Variants in WDR33 observed in about 807,000 individuals in gnomAD.
The protein encoded by WDR33 is WD repeat domain 33, also known as pre-mRNA 3' end processing protein WDR33.
A neutral mutation model predicts 164.9 loss-of-function variants in WDR33; 47 were observed. The observed-to-expected ratio is 0.29, with a 90% CI of 0.23 to 0.36. WDR33 has a LOEUF of 0.36. Ranked by LOEUF, WDR33 falls within the 10% of genes least tolerant of loss-of-function variation. WDR33 has a pLI of 1.00. For synonymous variants in WDR33, 505 were observed against 589.0 expected, an observed-to-expected ratio of 0.86 and a Z score of 2.06; for missense variants, 1,137 against 1,754.1, an observed-to-expected ratio of 0.65 and a Z score of 6.28.
rs1292204442 is a variant in WDR33 at position 127,770,651 on chromosome 2, A to G, written c.204+127T>C. 1.3e-5 allele frequency: 8 copies of G among 637,162 alleles called. No homozygotes were observed. Among genetic ancestry groups the G allele is most frequent in the Non-Finnish European group, 1.7e-5 (8 of 459,356 alleles). The allele number at this position is 637,162 out of a possible 1,614,324, so 39.5% of individuals were successfully genotyped here. Reference sequence around the variant, plus strand: ...GGTTGCAGTGAGCCAAAACCACACCACTGCACTCTGGCCTGGGCAACAAGA... The same window carrying G: ...GGTTGCAGTGAGCCAAAACCACACCGCTGCACTCTGGCCTGGGCAACAAGA... On this transcript the variant is annotated intron_variant, in intron 2 of 21. Coordinates refer to ENST00000322313, the MANE Select transcript of WDR33 (RefSeq NM_018383.5). The surrounding 1 kb of genome is among the most constrained non-coding windows in gnomAD (Gnocchi z 4.9).
chr2:127,745,826 C>T (rs574785286), intron 7 of WDR33, among the ~76,000 whole-genome samples: 1 of 152,052 alleles, frequency 6.6e-6, no homozygotes, highest in East Asian at 1.9e-4. Context: ...AAAAACAGCA[C>T]GTCGTTCTCC....
intron 7 of WDR33, among the ~76,000 whole-genome samples, chr2:127,747,865 C>G (rs1687211225): frequency 6.6e-6 from 1 of 152,188 alleles, no homozygotes; most frequent in South Asian, 2.1e-4. Flanking sequence ...ATCTGATGTT[C>G]AAGCTAAGCC....
chr2:127,749,599 T>C (rs903062200), intron 7 of WDR33, among the ~76,000 whole-genome samples: 1 of 150,526 alleles, frequency 6.6e-6, no homozygotes, highest in African/African-American at 2.4e-5. Flanking sequence ...GAGGCGGAGA[T>C]TGCAGTGAGC....
At chr2:127,757,464 G>A (rs1350946481) in intron 7 of WDR33, among the ~76,000 whole-genome samples, 5 of 152,122 alleles carry the variant, frequency 3.3e-5, no homozygotes, top group South Asian at 2.1e-4. Flanking sequence ...GTCTTTTCAG[G>A]ATAGCACAGA....
At chr2:127,794,849 A>AAAAG (rs534701344) in intron 1 of WDR33, among the ~76,000 whole-genome samples, 19,640 of 141,756 alleles carry the variant, frequency 0.14, 1,702 homozygotes, top group Middle Eastern at 0.24. Flanking sequence ...AAAAAAAAAA[A>AAAAG]AAAGAAAGAA....
intron 1 of WDR33, among the ~76,000 whole-genome samples, chr2:127,772,176 C>T (rs1332532629): frequency 6.6e-6 from 1 of 151,892 alleles, no homozygotes; most frequent in African/African-American, 2.4e-5. Flanking sequence ...GTGGCTCATG[C>T]CTGTAATCCC....
rs150462586 is a variant in WDR33 at position 127,717,160 on chromosome 2, T to C, written c.2864A>G (p.Asn955Ser). 5 of 1,602,374 alleles carry C rather than the reference T, an allele frequency of 3.1e-6. No individual in the cohort carries two copies. The African/African-American group carries it at 5.4e-5, about 17-fold the overall frequency. Reference sequence around the variant, plus strand: ...TCAGCTGAGCAGATATTTACCTTTGTTGGGGCCAGGTCCTTGTCCGGGGTT... The same window carrying C: ...TCAGCTGAGCAGATATTTACCTTTGCTGGGGCCAGGTCCTTGTCCGGGGTT... ...PLNPGQGPGP[N>S]KGDSRGPPNH... Residue 955 changes from asparagine to serine, a missense_variant, in exon 17 of 22, where the codon AAC becomes AGC. Transcript: ENST00000322313. This position sits in a 1 kb window ranked among gnomAD's most constrained non-coding sequence, Gnocchi z 5.6.
chr2:127,794,513 G>C (rs559239421), intron 1 of WDR33, among the ~76,000 whole-genome samples: 4 of 147,600 alleles, frequency 2.7e-5, no homozygotes, highest in African/African-American at 2.5e-5. Flanking sequence ...GGAAAGGAAA[G>C]GATAGGAAAA....
rs1201497824 is a variant in WDR33, at chr2:127,720,040, G to A, written c.1985C>T (p.Pro662Leu). 6.2e-7 allele frequency: 1 copy of A among 1,613,894 alleles called. No individual in the cohort carries two copies. The highest frequency in any genetic ancestry group is 8.5e-7 in the Non-Finnish European group (1 of 1,179,952). ...FMGPQGPQGPPQGLPRPQDMH... is the reference protein window; with the variant it reads ...FMGPQGPQGPLQGLPRPQDMH... ...GTCCTGAGGCCGTGGCAACCCCTGG[G>A]GCGGGCCCTGGGGCCCCTGTGGTCC... The change falls in exon 16 of 22, where the codon CCC becomes CTC. Residue 662 changes from proline (P) to leucine (L), a missense_variant. Physicochemically the swap from Pro to Leu is moderately conservative, Grantham distance 98. Transcript: ENST00000322313. The surrounding 1 kb of genome is among the most constrained non-coding windows in gnomAD (Gnocchi z 5.9).
chr2:127,776,957 T>C (rs1303652483), intron 1 of WDR33, among the ~76,000 whole-genome samples: 35 of 152,184 alleles, frequency 2.3e-4, no homozygotes, highest in Admixed American at 2.3e-3. Context: ...TGACTTGAGG[T>C]ATGCTAACAG....
chr2:127,795,454 T>G (rs1467546965), intron 1 of WDR33, among the ~76,000 whole-genome samples: 3 of 151,930 alleles, frequency 2.0e-5, no homozygotes, highest in Non-Finnish European at 4.4e-5. Flanking sequence ...TCCCAATCTC[T>G]AGAACACAGC....
At position 127,719,525 on chromosome 2, in the gene WDR33, G is replaced by T. The variant is rs760980718; in HGVS notation, c.2500C>A (p.Arg834=). 11 of 1,613,182 alleles carry T rather than the reference G, an allele frequency of 6.8e-6. No individual in the cohort carries two copies. Among genetic ancestry groups the T allele is most frequent in the Middle Eastern group, 3.3e-4 (2 of 6,038 alleles). Residue 834 remains arginine (R), a synonymous_variant, in exon 16 of 22, where the codon CGA becomes AGA. Transcript: ENST00000322313. This position sits in a 1 kb window ranked among gnomAD's most constrained non-coding sequence, Gnocchi z 6.5. Reference sequence around the variant, plus strand: ...TGGGGTGGAGGCCCCTGCATGCCTCGGATCTCCTGAGGACCTCTCATTTCC... The same window carrying T: ...TGGGGTGGAGGCCCCTGCATGCCTCTGATCTCCTGAGGACCTCTCATTTCC... The part of the protein sequence containing the change: ...PQEMRGPQEI[R]GMQGPPPQGS...
chr2:127,764,697 T>C lies in WDR33; in HGVS notation c.626+131A>G, dbSNP rs1687771856. On this transcript the variant is annotated intron_variant, in intron 6 of 21. Coordinates refer to ENST00000322313, the MANE Select transcript of WDR33 (RefSeq NM_018383.5). The surrounding 1 kb of genome is among the most constrained non-coding windows in gnomAD (Gnocchi z 6.2). ...GAATGTGTGAAAACAAAGAAAAATA[T>C]TGTGTTTATAGGGTGCAGAAAGTTT... 1.9e-6 allele frequency: 3 copies of C among 1,609,298 alleles called. No homozygotes were observed. Among genetic ancestry groups the C allele is most frequent in the East Asian group, 2.2e-5 (1 of 44,618 alleles).
chr2:127,795,416 A>G (rs778411879), intron 1 of WDR33, among the ~76,000 whole-genome samples: 48 of 151,860 alleles, frequency 3.2e-4, no homozygotes, highest in Non-Finnish European at 6.3e-4. Context: ...ATAACTTTTA[A>G]TGCTGAAGGT....
intron 7 of WDR33, among the ~76,000 whole-genome samples, chr2:127,743,009 G>A (rs184322858): frequency 2.2e-4 from 33 of 152,186 alleles, no homozygotes; most frequent in African/African-American, 7.7e-4. Flanking sequence ...AATGAAGGAC[G>A]TAAAAATTCA....
chr2:127,747,897 C>G (rs2105410651), intron 7 of WDR33, among the ~76,000 whole-genome samples: 1 of 152,334 alleles, frequency 6.6e-6, no homozygotes, highest in Non-Finnish European at 1.5e-5. Flanking sequence ...ACAAACTGTT[C>G]TGACATGTAC....
At chr2:127,807,658 T>C (rs1389809640) in intron 1 of WDR33, among the ~76,000 whole-genome samples, 3 of 152,142 alleles carry the variant, frequency 2.0e-5, no homozygotes, top group Non-Finnish European at 4.4e-5. Flanking sequence ...GGAAGGAGAA[T>C]ACAATCTAGG....
intron 7 of WDR33, among the ~76,000 whole-genome samples, chr2:127,758,534 A>C (rs572676547): frequency 2.6e-5 from 4 of 152,222 alleles, no homozygotes; most frequent in Admixed American, 1.3e-4. Context: ...AATTACAGTA[A>C]GTATAATGTG....
chr2:127,786,688 T>A (rs1411040275), intron 1 of WDR33, among the ~76,000 whole-genome samples: 1 of 152,062 alleles, frequency 6.6e-6, no homozygotes, highest in Non-Finnish European at 1.5e-5. Context: ...TGTCTCAAAA[T>A]ATATATATGT....
Sources: gnomAD v4.1 joint callset for allele counts (sites outside exome capture counted in the v4.1 genomes callset) on GRCh38, gnomAD v4.1.1 for gene constraint, Gnocchi (gnomAD v3.1) non-coding constraint, MANE v1.5 for transcripts, NCBI Gene and HGNC (gene_info 2026-07-23, HGNC 2026-07-21) for gene names.